The following TCTN2 variants were observed in gnomAD, a reference collection of about 807,000 sequenced individuals.
TCTN2 encodes tectonic-2.
Under a neutral mutation model 83.4 loss-of-function variants are expected in TCTN2, and 66 were observed. That is an observed-to-expected ratio of 0.79 (90% CI 0.65 to 0.97). The LOEUF is 0.97. Ranked by LOEUF, TCTN2 falls within the 50% of genes least tolerant of loss-of-function variation. TCTN2 has a pLI of 0.00. For synonymous variants in TCTN2, 301 were observed against 326.7 expected (o/e 0.92, Z 0.85); for missense variants, 794 against 858.1 (o/e 0.93, Z 0.93).
rs1956247464 is a variant in TCTN2, at chr12:123,707,692, A to C, written c.2073A>C (p.Arg691Ser). 3.7e-6 allele frequency: 6 copies of C among 1,614,098 alleles called. No homozygotes were observed. The highest frequency in any genetic ancestry group is 5.1e-6 in the Non-Finnish European group (6 of 1,179,968). Residue 691 changes from arginine (R) to serine (S), a missense_variant, in exon 18 of 18, where the codon AGA (arginine) becomes AGC (serine). Transcript: ENST00000303372. ...TGTTCCTCAGCAACCCCTGGACCAG[A>C]ATATGCAAAGCCTATAGTTAGACAA... is the stretch of plus-strand genomic sequence containing the variant. ...LALFLSNPWTRICKAYS is the reference protein window; with the variant it reads ...LALFLSNPWTSICKAYS
intron 3 of TCTN2, among the ~76,000 whole-genome samples, chr12:123,672,885 A>G (rs1448548978): frequency 1.3e-5 from 2 of 152,180 alleles, no homozygotes; most frequent in Admixed American, 1.3e-4. Flanking sequence ...ACCCATCTCT[A>G]CTAAAAATAC....
At chr12:123,672,230 A>G (rs1042461972) in intron 3 of TCTN2, 98 bp downstream of exon 3, 5 of 1,076,884 alleles carry the variant, frequency 4.6e-6, no homozygotes, top group Admixed American at 1.8e-5. Flanking sequence ...GGCTTTCTCC[A>G]TGCTCTCAAC....
At chr12:123,684,114 G>A (rs143260346) in intron 5 of TCTN2, among the ~76,000 whole-genome samples, 66 of 152,228 alleles carry the variant, frequency 4.3e-4, no homozygotes, top group Non-Finnish European at 8.2e-4. Flanking sequence ...CTTCACTGAC[G>A]TATGATTGGC....
At chr12:123,696,343 G>C in intron 11 of TCTN2, 72 bp from the exon 12 acceptor site, 1 of 1,230,350 alleles carries the variant, frequency 8.1e-7, no homozygotes, top group Admixed American at 1.7e-5. Flanking sequence ...CATGACTCTT[G>C]TATTATTTGC....
chr12:123,704,312 G>T (rs1473078778), intron 14 of TCTN2, among the ~76,000 whole-genome samples: 1 of 152,078 alleles, frequency 6.6e-6, no homozygotes, highest in African/African-American at 2.4e-5. Flanking sequence ...CCCATACAAG[G>T]AAACATTTTA....
chr12:123,707,763 C>A lies in TCTN2; in HGVS notation c.*50C>A. ...TGAGATGGAGTTTTGCTCTTGTTGC[C>A]CAGGCTGAAGTGATCTCGGCTCACC... On this transcript the variant is annotated 3_prime_UTR_variant, in exon 18 of 18. Transcript: ENST00000303372. 6.9e-7 allele frequency: 1 copy of A among 1,459,426 alleles called. No individual in the cohort carries two copies. The highest frequency in any genetic ancestry group is 9.6e-7 in the Non-Finnish European group (1 of 1,040,930). 90.4% of individuals were successfully genotyped at this position (1,459,426 alleles called of 1,614,324 possible).
intron 4 of TCTN2, 52 bp downstream of exon 4, chr12:123,673,862 G>C: frequency 6.4e-7 from 1 of 1,568,946 alleles, no homozygotes; most frequent in Non-Finnish European, 8.8e-7. Flanking sequence ...CAGCTACTTA[G>C]GAGGAAGAGG....
chr12:123,685,610 G>C (rs1279673447), intron 5 of TCTN2, among the ~76,000 whole-genome samples: 1 of 151,822 alleles, frequency 6.6e-6, no homozygotes, highest in Admixed American at 6.6e-5. Flanking sequence ...GTAGAGATGG[G>C]GTTTCACCAT....
chr12:123,671,668 C>T (rs919989459), intron 2 of TCTN2, 54 bp downstream of exon 2: 26 of 1,528,126 alleles, frequency 1.7e-5, no homozygotes, highest in Non-Finnish European at 2.3e-5. Flanking sequence ...ATCCAGACCT[C>T]CCAAGGAGCC....
intron 13 of TCTN2, 70 bp from the exon 14 acceptor site, chr12:123,699,634 C>A: frequency 7.9e-7 from 1 of 1,260,256 alleles, no homozygotes; most frequent in Non-Finnish European, 1.2e-6. Context: ...GAAACCCGGA[C>A]ATTCACTGGA....
chr12:123,689,130 C>T (rs565467482), intron 7 of TCTN2, among the ~76,000 whole-genome samples: 3 of 151,944 alleles, frequency 2.0e-5, no homozygotes, highest in African/African-American at 7.2e-5. Flanking sequence ...GGCGTGATCT[C>T]AACTCCCTGC....
chr12:123,674,482 A>G (rs980380857), intron 4 of TCTN2, among the ~76,000 whole-genome samples: 1 of 152,100 alleles, frequency 6.6e-6, no homozygotes, highest in Non-Finnish European at 1.5e-5. Flanking sequence ...GTTGGCTGGG[A>G]TGGTCTTGAT....
At chr12:123,685,562 G>C (rs1394033631) in intron 5 of TCTN2, among the ~76,000 whole-genome samples, 1 of 151,948 alleles carries the variant, frequency 6.6e-6, no homozygotes, top group African/African-American at 2.4e-5. Flanking sequence ...GGGATTATAG[G>C]TGTGTGCCAC....
In TCTN2 at chr12:123,706,799, G is replaced by T. The variant is rs1956235222; in HGVS notation, c.1843G>T (p.Ala615Ser). 6.2e-7 allele frequency: 1 copy of T among 1,614,006 alleles called. No individual in the cohort carries two copies. The highest frequency in any genetic ancestry group is 1.3e-5 in the African/African-American group (1 of 74,904). The change falls in exon 16 of 18, where the codon GCA (alanine) becomes TCA (serine). Residue 615 changes from alanine (A) to serine (S), a missense_variant. Ala to Ser is a moderately conservative substitution (Grantham distance 99, BLOSUM62 1). Coordinates refer to ENST00000303372, the MANE Select transcript of TCTN2 (RefSeq NM_024809.5). ...CAAGGCCGACCTTCTCCCTATCAGTGCATCCGTCCAGTTTATTAAAATTCC... is the reference window on the plus strand; with the variant it reads ...CAAGGCCGACCTTCTCCCTATCAGTTCATCCGTCCAGTTTATTAAAATTCC... ...EHKADLLPIS[A>S]SVQFIKIPAQ... is the part of the protein sequence containing the mutation.
chr12:123,701,391 G>A (rs1407761533), intron 14 of TCTN2, among the ~76,000 whole-genome samples: 1 of 152,180 alleles, frequency 6.6e-6, no homozygotes, highest in African/African-American at 2.4e-5. Flanking sequence ...TAGGTGGATT[G>A]TATAGTATGT....
intron 8 of TCTN2, among the ~76,000 whole-genome samples, chr12:123,691,693 A>G (rs1337909947): frequency 1.3e-5 from 2 of 150,704 alleles, no homozygotes; most frequent in Admixed American, 1.3e-4. Flanking sequence ...TCATGCTAAT[A>G]TGACTTCTTG....
At chr12:123,681,105 C>T (rs960629292) in intron 5 of TCTN2, among the ~76,000 whole-genome samples, 2 of 151,812 alleles carry the variant, frequency 1.3e-5, no homozygotes, top group African/African-American at 4.8e-5. Flanking sequence ...CCCATCTCTA[C>T]AAAAATTAGC....
At chr12:123,684,622 A>G (rs1427214196) in intron 5 of TCTN2, among the ~76,000 whole-genome samples, 3 of 151,662 alleles carry the variant, frequency 2.0e-5, no homozygotes, top group Non-Finnish European at 4.4e-5. Flanking sequence ...CTGGCCTCGA[A>G]CTCCTGACTG....
intron 7 of TCTN2, among the ~76,000 whole-genome samples, chr12:123,689,068 T>C (rs528921921): frequency 6.6e-6 from 1 of 151,096 alleles, no homozygotes; most frequent in African/African-American, 2.4e-5. Flanking sequence ...TTAAAAAAAT[T>C]TGTTTTGGTT....
Sources: gnomAD v4.1 joint callset for allele counts (sites outside exome capture counted in the v4.1 genomes callset) on GRCh38, gnomAD v4.1.1 for gene constraint, MANE v1.5 for transcripts, NCBI Gene and HGNC (gene_info 2026-07-23, HGNC 2026-07-21) for gene names.